The following DNPEP variants were observed in gnomAD, a reference collection of about 807,000 sequenced individuals.
The protein encoded by DNPEP is aspartyl aminopeptidase.
A neutral mutation model predicts 59.1 loss-of-function variants in DNPEP; 46 were observed. The ratio of observed to expected loss-of-function variants is 0.78; its 90% CI spans 0.61 to 0.99. DNPEP has a LOEUF of 0.99. Among genes scored for constraint, DNPEP ranks in the 50% least tolerant of loss-of-function variants. DNPEP has a pLI of 0.00. For missense variants in DNPEP, 617 were observed against 649.9 expected (o/e 0.95, Z 0.55); for synonymous variants, 229 against 242.2 (o/e 0.95, Z 0.50).
chr2:219,385,809 C>T, intron 6 of DNPEP, 103 bp from the exon 7 acceptor site: 1 of 1,420,794 alleles, frequency 7.0e-7, no homozygotes, highest in Non-Finnish European at 9.6e-7. Context: ...CTCTGCCCTT[C>T]AATTCCCAGC....
intron 11 of DNPEP, 115 bp downstream of exon 11, chr2:219,381,864 C>A: frequency 7.4e-7 from 1 of 1,346,242 alleles, no homozygotes. Context: ...GTGAACCTCC[C>A]GGCAGAATGA....
At chr2:219,377,304 A>AAT (rs1340872087) in intron 13 of DNPEP, among the ~76,000 whole-genome samples, 18 of 150,508 alleles carry the variant, frequency 1.2e-4, no homozygotes, top group Admixed American at 4.0e-4. Context: ...AAAAAAAAAA[A>AAT]AGTTTAACTT....
At chr2:219,388,661 C>T (rs570791701), upstream of DNPEP, 75 of 983,518 alleles carry the variant, frequency 7.6e-5, no homozygotes, top group South Asian at 1.3e-3. Context: ...CCCCGTGCCC[C>T]GGGCCTCGAG....
At chr2:219,375,782 G>A (rs747415053) in intron 13 of DNPEP, among the ~76,000 whole-genome samples, 4 of 152,060 alleles carry the variant, frequency 2.6e-5, no homozygotes, top group Non-Finnish European at 5.9e-5. Context: ...GGCTGTTCTC[G>A]AACTTCTGAC....
intron 1 of DNPEP, among the ~76,000 whole-genome samples, chr2:219,398,742 G>A (rs1954138173): frequency 6.6e-6 from 1 of 152,208 alleles, no homozygotes; most frequent in Non-Finnish European, 1.5e-5. Context: ...CTTTAAACAT[G>A]AGGGTTTTCA....
intron 8 of DNPEP, chr2:219,385,212 C>T (rs1953758379): frequency 2.0e-6 from 1 of 510,154 alleles, no homozygotes; most frequent in Non-Finnish European, 3.5e-6. Context: ...GGGCCAATTC[C>T]CAGATAGTCC....
intron 13 of DNPEP, among the ~76,000 whole-genome samples, chr2:219,379,487 G>T (rs748145215): frequency 1.3e-5 from 2 of 151,764 alleles, no homozygotes; most frequent in South Asian, 2.1e-4. Context: ...TAAAAATAAC[G>T]AAAAATTTTA....
chr2:219,386,448 T>C (rs759447829), intron 4 of DNPEP, 37 bp from the exon 5 acceptor site: 6 of 1,613,318 alleles, frequency 3.7e-6, no homozygotes, highest in African/African-American at 1.3e-5. Flanking sequence ...GAAGGCTTCA[T>C]GACGATATGT....
At chr2:219,385,313 T>G in intron 8 of DNPEP, 111 bp downstream of exon 8, 17 of 665,410 alleles carry the variant, frequency 2.6e-5, no homozygotes, top group Non-Finnish European at 4.0e-5. Context: ...AAAACGGGGA[T>G]GAGAGTTACT....
chr2:219,381,865 G>A (rs1259756969), intron 11 of DNPEP, 114 bp downstream of exon 11: 2 of 1,346,918 alleles, frequency 1.5e-6, no homozygotes, highest in African/African-American at 1.4e-5. Context: ...TGAACCTCCC[G>A]GCAGAATGAA....
At position 219,373,941 on chromosome 2, in the gene DNPEP, A is replaced by G. The variant is rs1953270300; in HGVS notation, c.*351T>C. 4 of 263,010 alleles carry G rather than the reference A, an allele frequency of 1.5e-5. No individual in the cohort carries two copies. The South Asian group carries it at 3.4e-4, about 22-fold the overall frequency. 16.3% of individuals were successfully genotyped at this position (263,010 alleles called of 1,614,324 possible). A position where few individuals can be genotyped will look rare whatever the true frequency, so the allele number is the denominator to read the frequency against. Reference sequence around the variant, plus strand: ...CCCATTCTGGGGATGGAAAGAGGGAAGACCGTTGAGGCCATTTCCCAGGTG... The same window carrying G: ...CCCATTCTGGGGATGGAAAGAGGGAGGACCGTTGAGGCCATTTCCCAGGTG... On this transcript the variant is annotated 3_prime_UTR_variant, in exon 15 of 15. Coordinates refer to ENST00000273075, the MANE Select transcript of DNPEP (RefSeq NM_012100.4).
At chr2:219,386,434 C>G (rs778943365) in intron 4 of DNPEP, 23 bp from the exon 5 acceptor site, 1 of 1,613,996 alleles carries the variant, frequency 6.2e-7, no homozygotes, top group East Asian at 2.2e-5. Context: ...ATGGAGAAGT[C>G]AGAGAAGGCT....
At chr2:219,395,605 C>T (rs1399289938) in intron 1 of DNPEP, among the ~76,000 whole-genome samples, 1 of 152,270 alleles carries the variant, frequency 6.6e-6, no homozygotes, top group Non-Finnish European at 1.5e-5. Context: ...GCCATACATT[C>T]AGTAAATGGC....
At chr2:219,386,534 G>A (rs1484443810) in intron 4 of DNPEP, 123 bp from the exon 5 acceptor site, 1 of 1,487,832 alleles carries the variant, frequency 6.7e-7, no homozygotes, top group East Asian at 2.3e-5. Flanking sequence ...AGGTGTGAAG[G>A]AAGGGGCCAA....
At chr2:219,385,278 G>T in intron 8 of DNPEP, 146 bp downstream of exon 8, 1 of 603,390 alleles carries the variant, frequency 1.7e-6, no homozygotes, top group Non-Finnish European at 3.0e-6. Context: ...CGCCCTAGAA[G>T]CAGTGGGGGA....
At chr2:219,382,220 C>T in intron 10 of DNPEP, 81 bp from the exon 11 acceptor site, 1 of 1,493,138 alleles carries the variant, frequency 6.7e-7, no homozygotes. Flanking sequence ...GCCCATTGCC[C>T]AACTGGCCCA....
At position 219,374,949 on chromosome 2, in the gene DNPEP, C is replaced by T. The variant is rs369409896; in HGVS notation, c.1313G>A (p.Arg438Gln). The change falls in exon 14 of 15, where the codon CGG becomes CAG. Residue 438 changes from arginine to glutamine, a missense_variant. Physicochemically the swap from Arg to Gln is conservative, Grantham distance 43. Coordinates refer to ENST00000273075, the MANE Select transcript of DNPEP (RefSeq NM_012100.4). ...TTGGGGGCTGCCTAAATCCAGCACC[C>T]GCAGCCCCAGCCGAGAAGCCAAGAT... ...GPILASRLGL[R>Q]VLDLGSPQLA... 53 of 1,614,104 alleles carry T rather than the reference C, an allele frequency of 3.3e-5. 1 individual carries two copies. Among genetic ancestry groups the T allele is most frequent in the South Asian group, 6.6e-5 (6 of 91,076 alleles).
Position 219,374,099 on chromosome 2 carries a change from C to T in DNPEP, c.*193G>A. 3.4e-6 allele frequency: 2 copies of T among 584,932 alleles called. No homozygotes were observed. The highest frequency in any genetic ancestry group is 6.1e-6 in the Non-Finnish European group (2 of 327,116). The allele number at this position is 584,932 out of a possible 1,614,324, so 36.2% of individuals were successfully genotyped here. A position where few individuals can be genotyped will look rare whatever the true frequency, so the allele number is the denominator to read the frequency against. ...AACCATCAGCTCCCAGGAGTGTGGCCTCCTCCACCTGCTCCCCAACTTTTC... is the reference window on the plus strand; with the variant it reads ...AACCATCAGCTCCCAGGAGTGTGGCTTCCTCCACCTGCTCCCCAACTTTTC... On this transcript the variant is annotated 3_prime_UTR_variant, in exon 15 of 15. Transcript: ENST00000273075.
rs1231269523 is a variant in DNPEP, at chr2:219,387,076, A to G, written c.124T>C (p.Phe42Leu). 6.2e-7 allele frequency: 1 copy of G among 1,603,642 alleles called. No individual in the cohort carries two copies. Among genetic ancestry groups the G allele is most frequent in the Non-Finnish European group, 8.5e-7 (1 of 1,174,430 alleles). The change falls in exon 2 of 15, where the codon TTC (phenylalanine) becomes CTC (leucine). Residue 42 changes from phenylalanine to leucine, a missense_variant. Phe to Leu is a conservative substitution (Grantham distance 22, BLOSUM62 0). Coordinates refer to ENST00000273075, the MANE Select transcript of DNPEP (RefSeq NM_012100.4). ...TGCCCTGGCCACCGCTTACCATGGAAAGGAGAGGGACTCCGGTTCACGAAC... is the reference window on the plus strand; with the variant it reads ...TGCCCTGGCCACCGCTTACCATGGAGAGGAGAGGGACTCCGGTTCACGAAC... ...LKFVNRSPSP[F>L]HAVAECRNRL...
Sources: gnomAD v4.1 joint callset for allele counts (sites outside exome capture counted in the v4.1 genomes callset) on GRCh38, gnomAD v4.1.1 for gene constraint, MANE v1.5 for transcripts, NCBI Gene and HGNC (gene_info 2026-07-23, HGNC 2026-07-21) for gene names.